The following POMT1 variants were observed in gnomAD, a reference collection of about 807,000 sequenced individuals.
POMT1 encodes protein O-mannosyl-transferase 1.
Under a neutral mutation model 101.6 loss-of-function variants are expected in POMT1, and 85 were observed. The observed-to-expected ratio is 0.84, with a 90% CI of 0.70 to 1.00. POMT1 has a LOEUF of 1.00. Among genes scored for constraint, POMT1 ranks in the 50% least tolerant of loss-of-function variants. POMT1 has a pLI of 0.00. For missense variants in POMT1, 857 were observed against 930.4 expected (o/e 0.92, Z 1.03); for synonymous variants, 371 against 383.0 (o/e 0.97, Z 0.37).
chr9:131,521,345 G>C lies in POMT1; in HGVS notation c.1699-1G>C. The C allele has an allele frequency of 6.2e-7, 1 of 1,614,166 alleles. No homozygotes were observed. The highest frequency in any genetic ancestry group is 8.5e-7 in the Non-Finnish European group (1 of 1,180,028). On this transcript the variant is annotated splice_acceptor_variant, in intron 17 of 19. Transcript: ENST00000402686. LOFTEE classifies it high-confidence loss of function. Reference sequence around the variant, plus strand: ...TAACAGCATCTCCCATGTTCCCTTAGGCTCAGATCCACCTACTTGGAAACA... The same window carrying C: ...TAACAGCATCTCCCATGTTCCCTTACGCTCAGATCCACCTACTTGGAAACA...
chr9:131,516,961 C>G (rs554742768), intron 13 of POMT1: 1 of 152,268 alleles, frequency 6.6e-6, no homozygotes, highest in Non-Finnish European at 1.5e-5. Flanking sequence ...CTTACGGAAT[C>G]GGGTCTCCTG....
rs555397952 is a variant in POMT1 at position 131,515,445 on chromosome 9, C to G, written c.1195C>G (p.Leu399Val). The G allele has an allele frequency of 6.2e-7, 1 of 1,614,188 alleles. No individual in the cohort carries two copies. The highest frequency in any genetic ancestry group is 8.5e-7 in the Non-Finnish European group (1 of 1,179,996). Residue 399 changes from leucine (L) to valine (V), a missense_variant, in exon 13 of 20, where the codon CTG (leucine) becomes GTG (valine). Coordinates refer to ENST00000402686, the MANE Select transcript of POMT1 (RefSeq NM_001077365.2). ...SLNTHDVAAP[L>V]SPHSQEVSCY... ...TTCCAGGCATGATGTTGCAGCCCCC[C>G]TGAGCCCCCATTCACAGGAGGTCTC...
At chr9:131,521,653 A>G (rs1435053309) in intron 18 of POMT1, among the ~76,000 whole-genome samples, 181 bp downstream of exon 18, 1 of 152,190 alleles carries the variant, frequency 6.6e-6, no homozygotes, top group Non-Finnish European at 1.5e-5. Flanking sequence ...CCGACTTCAT[A>G]GGAACCTACC....
intron 5 of POMT1, among the ~76,000 whole-genome samples, chr9:131,508,161 T>C (rs1396588798): frequency 2.0e-5 from 3 of 148,410 alleles, no homozygotes; most frequent in Admixed American, 6.7e-5. Flanking sequence ...TGCTTGAACC[T>C]GGGAGGTGGA....
In POMT1 at chr9:131,512,035, A is replaced by C; in HGVS notation, c.987-6A>C. The C allele has an allele frequency of 1.2e-6, 2 of 1,614,016 alleles. No homozygotes were observed. Among genetic ancestry groups the C allele is most frequent in the South Asian group, 2.2e-5 (2 of 91,080 alleles). On this transcript the variant is annotated splice_region_variant and splice_polypyrimidine_tract_variant and intron_variant, in intron 10 of 19. Coordinates refer to ENST00000402686, the MANE Select transcript of POMT1 (RefSeq NM_001077365.2). ...CCAGATACATCTCTTTGTTGACTTC[A>C]CACAGATATGAGAACGGCCGAGGCA...
At chr9:131,508,268 C>T (rs1022701139) in intron 5 of POMT1, among the ~76,000 whole-genome samples, 1 of 150,384 alleles carries the variant, frequency 6.6e-6, no homozygotes, top group African/African-American at 2.5e-5. Flanking sequence ...CACGGTGGCT[C>T]ACACCTGTAA....
intron 12 of POMT1, 89 bp downstream of exon 12, chr9:131,513,420 C>A: frequency 8.3e-7 from 1 of 1,198,438 alleles, no homozygotes; most frequent in Non-Finnish European, 1.2e-6. Context: ...TGCCTTGGGC[C>A]GCTGCCCCCT....
chr9:131,521,804 G>A (rs1450680685), intron 18 of POMT1, among the ~76,000 whole-genome samples: 1 of 152,218 alleles, frequency 6.6e-6, no homozygotes, highest in Non-Finnish European at 1.5e-5. Context: ...TGCCCTCTTG[G>A]TCCCATGTTG....
At chr9:131,506,819 G>A (rs10448342) in intron 4 of POMT1, 304,962 of 332,778 alleles carry the variant, frequency 0.92, 140,929 homozygotes, top group South Asian at 0.97. Flanking sequence ...CTGTAATCCT[G>A]GCACTTTGGG....
chr9:131,509,704 G>A (rs1281077924), intron 6 of POMT1, 39 bp from the exon 7 acceptor site: 1 of 1,613,978 alleles, frequency 6.2e-7, no homozygotes, highest in Admixed American at 1.7e-5. Context: ...AAATGTGTCT[G>A]AACTATTTCT....
At chr9:131,512,010 CCA>C in intron 10 of POMT1, 29 bp from the exon 11 acceptor site, 1 of 1,613,196 alleles carries the variant, frequency 6.2e-7, no homozygotes, top group Non-Finnish European at 8.5e-7. Flanking sequence ...CGCGCCTGGC[CCA>C]GATACATCTC....
chr9:131,511,073 T>G, intron 9 of POMT1: 1 of 416,884 alleles, frequency 2.4e-6, no homozygotes, highest in East Asian at 4.4e-5. Context: ...TCTTACCTCA[T>G]TGGATGCTTG....
intron 5 of POMT1, 118 bp from the exon 6 acceptor site, chr9:131,508,793 A>C (rs757681735): frequency 2.7e-6 from 2 of 738,654 alleles, no homozygotes; most frequent in Non-Finnish European, 4.9e-6. Flanking sequence ...TAACATTCAC[A>C]ACAGCCCCAC....
In POMT1 at chr9:131,506,166, T is replaced by A. The variant is rs764599506; in HGVS notation, c.175T>A (p.Phe59Ile). 1 of 1,614,124 alleles carries A rather than the reference T, an allele frequency of 6.2e-7. No homozygotes were observed. Among genetic ancestry groups the A allele is most frequent in the South Asian group, 1.1e-5 (1 of 91,076 alleles). The part of the protein sequence containing the change: ...QYISFYMKQI[F>I]FLDDSGPPFG... The stretch of plus-strand genomic sequence containing the variant: ...CATCTCTTTTTACATGAAACAAATC[T>A]TCTTCTTGGATGACAGTGGGCCGCC... The change falls in exon 3 of 20, where the codon TTC becomes ATC. Residue 59 changes from phenylalanine to isoleucine, a missense_variant. Coordinates refer to ENST00000402686, the MANE Select transcript of POMT1 (RefSeq NM_001077365.2).
chr9:131,515,308 C>T, intron 12 of POMT1, 118 bp from the exon 13 acceptor site: 1 of 1,003,390 alleles, frequency 1.0e-6, no homozygotes. Context: ...CTGGGCCACC[C>T]CTTATGGCTG....
chr9:131,510,785 C>T (rs901021859), intron 9 of POMT1: 14 of 350,248 alleles, frequency 4.0e-5, no homozygotes, highest in Admixed American at 1.6e-4. Context: ...GGATTATAGG[C>T]GTGAGCCACC....
At position 131,522,903 on chromosome 9, in the gene POMT1, C is replaced by A. The variant is rs753883210; in HGVS notation, c.2004-29C>A. 2 of 1,562,452 alleles carry A rather than the reference C, an allele frequency of 1.3e-6. No homozygotes were observed. The highest frequency in any genetic ancestry group is 1.7e-6 in the Non-Finnish European group (2 of 1,158,408). On this transcript the variant is annotated intron_variant, in intron 19 of 19. Transcript: ENST00000402686. This position sits in a 1 kb window ranked among gnomAD's most constrained non-coding sequence, Gnocchi z 5.5. Reference sequence around the variant, plus strand: ...CAGGGAAGCCGCAGTGGTCAGCCACCCTCCCCCACGCTGCTCTGACCTCTG... The same window carrying A: ...CAGGGAAGCCGCAGTGGTCAGCCACACTCCCCCACGCTGCTCTGACCTCTG...
chr9:131,510,534 T>G (rs1946891378), intron 9 of POMT1, 119 bp downstream of exon 9: 2 of 1,337,910 alleles, frequency 1.5e-6, no homozygotes, highest in African/African-American at 1.5e-5. Context: ...AGAATCCACA[T>G]CCATATTTCT....
Position 131,507,463 on chromosome 9 carries a change from C to T in POMT1, c.376C>T (p.Leu126Phe). 3 of 1,614,184 alleles carry T rather than the reference C, an allele frequency of 1.9e-6. No homozygotes were observed. Among genetic ancestry groups the T allele is most frequent in the Non-Finnish European group, 2.5e-6 (3 of 1,180,048 alleles). The change falls in exon 5 of 20, where the codon CTC (leucine) becomes TTC (phenylalanine). Residue 126 changes from leucine (L) to phenylalanine (F), a missense_variant. Leu to Phe is a conservative substitution (Grantham distance 22, BLOSUM62 0). Transcript: ENST00000402686. Reference sequence around the variant, plus strand: ...CATGGCCTACCAGATAGTGTTGGAGCTCCACTTTTCTCATTGTGCCGCCAT... The same window carrying T: ...CATGGCCTACCAGATAGTGTTGGAGTTCCACTTTTCTCATTGTGCCGCCAT... ...VPMAYQIVLE[L>F]HFSHCAAMGA...
Sources: allele counts gnomAD v4.1 joint callset (sites outside exome capture counted in the v4.1 genomes callset), GRCh38; gene constraint gnomAD v4.1.1; non-coding constraint Gnocchi (gnomAD v3.1); transcripts MANE v1.5; gene names NCBI Gene and HGNC (gene_info 2026-07-23, HGNC 2026-07-21).